Variants in VEPH1 observed in about 807,000 individuals in gnomAD.
VEPH1 encodes ventricular zone-expressed PH domain-containing protein homolog 1.
VEPH1 carries 80 observed loss-of-function variants against 85.2 expected under a neutral mutation model. The observed-to-expected ratio is 0.94, with a 90% confidence interval of 0.78 to 1.13. The LOEUF is 1.13. Ranked by LOEUF, VEPH1 falls within the 50% of genes most tolerant of loss-of-function variation. VEPH1 has a pLI of 0.00. For missense variants in VEPH1, 955 were observed against 980.5 expected, an observed-to-expected ratio of 0.97 and a Z score of 0.35; for synonymous variants, 297 against 348.0, an observed-to-expected ratio of 0.85 and a Z score of 1.63.
At chr3:157,325,623 C>G (rs966147225) in intron 9 of VEPH1, among the ~76,000 whole-genome samples, 1 of 152,114 alleles carries the variant, frequency 6.6e-6, no homozygotes, top group African/African-American at 2.4e-5. Flanking sequence ...TTATTTTTGT[C>G]AGGTTTGTCA....
At chr3:157,379,958 T>C (rs1195006904) in intron 7 of VEPH1, among the ~76,000 whole-genome samples, 1 of 152,206 alleles carries the variant, frequency 6.6e-6, no homozygotes, top group Non-Finnish European at 1.5e-5. Flanking sequence ...TGAGATTACA[T>C]ACATAAAGGG....
chr3:157,413,243 A>G (rs377088443), intron 6 of VEPH1, among the ~76,000 whole-genome samples: 14 of 152,164 alleles, frequency 9.2e-5, no homozygotes, highest in East Asian at 5.8e-4. Context: ...CTTAATCCCC[A>G]TAAACTCTGA....
At chr3:157,436,695 T>C in intron 4 of VEPH1, 1 of 436,444 alleles carries the variant, frequency 2.3e-6, no homozygotes, top group South Asian at 2.8e-5. Flanking sequence ...GGTTTAATAT[T>C]GTGCAACTTC....
At chr3:157,282,547 CT>C (rs138374074) in intron 12 of VEPH1, among the ~76,000 whole-genome samples, 6,570 of 152,272 alleles carry the variant, frequency 0.043, 170 homozygotes, top group South Asian at 0.11. Flanking sequence ...CATGGGGCTG[CT>C]TAGATTTATC....
chr3:157,339,936 T>C (rs1195568955), intron 9 of VEPH1, among the ~76,000 whole-genome samples: 1 of 152,148 alleles, frequency 6.6e-6, no homozygotes, highest in African/African-American at 2.4e-5. Flanking sequence ...TGTCAAGATA[T>C]TTTTATTTAT....
At chr3:157,434,137 C>A (rs1337358820) in intron 4 of VEPH1, among the ~76,000 whole-genome samples, 1 of 152,040 alleles carries the variant, frequency 6.6e-6, no homozygotes, top group Non-Finnish European at 1.5e-5. Context: ...TTGCCTAAGT[C>A]TATTTTTTAC....
chr3:157,305,101 CTTTTTTTTTTTTTT>C (rs139799192), intron 11 of VEPH1, among the ~76,000 whole-genome samples: 5 of 77,818 alleles, frequency 6.4e-5, no homozygotes, highest in Admixed American at 3.9e-4. Context: ...ATCTATCTGT[CTTTTTTTTTTTTTT>C]TTTTTTTTTT....
At chr3:157,310,413 T>A (rs1273811244) in intron 11 of VEPH1, among the ~76,000 whole-genome samples, 2 of 152,144 alleles carry the variant, frequency 1.3e-5, no homozygotes, top group East Asian at 3.9e-4. Flanking sequence ...GTACTAATAT[T>A]ATCTCCACTG....
intron 9 of VEPH1, among the ~76,000 whole-genome samples, chr3:157,349,463 G>A (rs1223139265): frequency 1.3e-5 from 2 of 152,100 alleles, no homozygotes; most frequent in African/African-American, 4.8e-5. Flanking sequence ...TTTTCTTTAA[G>A]AACTGGAACA....
At chr3:157,302,198 G>C (rs1421413885) in intron 11 of VEPH1, among the ~76,000 whole-genome samples, 1 of 152,046 alleles carries the variant, frequency 6.6e-6, no homozygotes, top group Non-Finnish European at 1.5e-5. Context: ...TCCCTACCAG[G>C]ATCATCCAAG....
rs754541825 is a variant in VEPH1, at chr3:157,414,108, A to G, written c.697-18T>C. ...TGAACTACCTATAAAGAGAGAGGAG[A>G]GGAGGAGGGAAGAAAGAAGGAAGAA... On this transcript the variant is annotated intron_variant, in intron 5 of 13. Transcript: ENST00000362010. 7.8e-6 allele frequency: 12 copies of G among 1,545,848 alleles called. No individual in the cohort carries two copies. Among genetic ancestry groups the G allele is most frequent in the Non-Finnish European group, 1.1e-5 (12 of 1,127,508 alleles).
At chr3:157,487,767 T>G (rs1738784635) in intron 2 of VEPH1, among the ~76,000 whole-genome samples, 1 of 152,146 alleles carries the variant, frequency 6.6e-6, no homozygotes, top group Non-Finnish European at 1.5e-5. Flanking sequence ...GAAAAATCTA[T>G]TACTGTAATT....
intron 4 of VEPH1, among the ~76,000 whole-genome samples, chr3:157,438,246 G>A (rs774454892): frequency 3.3e-5 from 5 of 152,056 alleles, no homozygotes; most frequent in Non-Finnish European, 5.9e-5. Context: ...ACTAAGCGCT[G>A]CAGGAGTCCA....
At chr3:157,499,445 T>G (rs1382160504) in intron 1 of VEPH1, 1 of 152,170 alleles carries the variant, frequency 6.6e-6, no homozygotes, top group Non-Finnish European at 1.5e-5. Flanking sequence ...CTGCATGGTT[T>G]GAGACTGGGC....
intron 12 of VEPH1, among the ~76,000 whole-genome samples, chr3:157,266,684 A>G (rs1287189814): frequency 6.6e-6 from 1 of 152,216 alleles, no homozygotes; most frequent in African/African-American, 2.4e-5. Context: ...ACAAATGATC[A>G]TAGAATTAGA....
chr3:157,398,776 G>A (rs1313480251), intron 6 of VEPH1, among the ~76,000 whole-genome samples: 2 of 151,726 alleles, frequency 1.3e-5, no homozygotes, highest in East Asian at 3.9e-4. Context: ...GATACCTCAC[G>A]CACCACTAGA....
At chr3:157,312,850 T>C (rs1720250627) in intron 11 of VEPH1, among the ~76,000 whole-genome samples, 1 of 151,242 alleles carries the variant, frequency 6.6e-6, no homozygotes, top group African/African-American at 2.4e-5. Flanking sequence ...GATCAAGGAG[T>C]AGTGGAACTA....
chr3:157,493,037 C>G, intron 2 of VEPH1: 1 of 278,728 alleles, frequency 3.6e-6, no homozygotes, highest in South Asian at 3.0e-5. Context: ...CAGGTGTTCA[C>G]CTCTTCTCTC....
At chr3:157,412,903 G>A (rs981636907) in intron 6 of VEPH1, among the ~76,000 whole-genome samples, 2 of 152,088 alleles carry the variant, frequency 1.3e-5, no homozygotes, top group East Asian at 1.9e-4. Context: ...GACAAAATTC[G>A]AAAATGGATT....
Sources: gnomAD v4.1 joint callset for allele counts (sites outside exome capture counted in the v4.1 genomes callset) on GRCh38, gnomAD v4.1.1 for gene constraint, MANE v1.5 for transcripts, NCBI Gene and HGNC (gene_info 2026-07-23, HGNC 2026-07-21) for gene names.